Variants in MRPS21 observed in about 807,000 individuals in gnomAD.
The protein encoded by MRPS21 is small ribosomal subunit protein bS21m.
Under a neutral mutation model 9.9 loss-of-function variants are expected in MRPS21, and 8 were observed. That is an observed-to-expected ratio of 0.81 (90% CI 0.47 to 1.45). MRPS21 has a LOEUF of 1.45. Among genes scored for constraint, MRPS21 ranks in the 40% most tolerant of loss-of-function variants. The probability of loss-of-function intolerance (pLI) is 0.00; values close to 1 mark genes in which losing one functional copy is unlikely to be tolerated. For missense variants in MRPS21, 101 were observed against 118.9 expected (o/e 0.85, Z 0.70); for synonymous variants, 40 against 40.3 (o/e 0.99, Z 0.03).
Position 150,297,587 on chromosome 1 carries a change from C to T in MRPS21, c.83+3138C>T, listed in dbSNP as rs1199224125. On this transcript the variant is annotated intron_variant, in intron 2 of 2. Coordinates refer to ENST00000614145, the MANE Select transcript of MRPS21 (RefSeq NM_031901.6). ...TTGGGAGGCTGAGGCAGGAGAATCA[C>T]TTGAACCTGGGAAATAGAGGCTGCA... is the stretch of plus-strand genomic sequence containing the variant. 6.6e-5 allele frequency among the ~76,000 whole-genome samples: 10 copies of T among 151,860 alleles called. 1 individual carries two copies. In the East Asian group the frequency reaches 1.7e-3, roughly 26 times the overall value.
Position 150,294,422 on chromosome 1 carries a change from T to C in MRPS21, c.56T>C (p.Val19Ala), listed in dbSNP as rs1553856190. Residue 19 changes from valine to alanine, a missense_variant, in exon 2 of 3, where the codon GTG becomes GCG. Physicochemically the swap from Val to Ala is moderately conservative, Grantham distance 64. Coordinates refer to ENST00000614145, the MANE Select transcript of MRPS21 (RefSeq NM_031901.6). The stretch of plus-strand genomic sequence containing the variant: ...ACTGTGATGGTACAGGAAGGGAACG[T>C]GGAAAGCGCATACAGGACCCTAAAC... Reference protein sequence around the residue: ...ARTVMVQEGNVESAYRTLNRI... With the variant: ...ARTVMVQEGNAESAYRTLNRI... 6.2e-7 allele frequency: 1 copy of C among 1,613,644 alleles called. No homozygotes were observed. The highest frequency in any genetic ancestry group is 8.5e-7 in the Non-Finnish European group (1 of 1,179,736).
intron 1 of MRPS21, 161 bp from the exon 2 acceptor site, chr1:150,294,174 C>A (rs1474271039): frequency 1.8e-5 from 10 of 549,652 alleles, no homozygotes; most frequent in Non-Finnish European, 3.4e-5. Flanking sequence ...GAATAAGAGA[C>A]AACGATTCAC....
chr1:150,306,657 G>T (rs781944762), intron 2 of MRPS21, among the ~76,000 whole-genome samples: 3 of 152,018 alleles, frequency 2.0e-5, no homozygotes, highest in Admixed American at 6.6e-5. Context: ...CACCATGCCC[G>T]GCTAATTTTG....
Position 150,308,808 on chromosome 1 carries a change from C to T in MRPS21, c.*580C>T, listed in dbSNP as rs1654450989. 1 of 154,212 alleles carries T rather than the reference C, an allele frequency of 6.5e-6. No homozygotes were observed. The highest frequency in any genetic ancestry group is 1.5e-5 in the Non-Finnish European group (1 of 68,222). The allele number at this position is 154,212 out of a possible 1,614,324, so 9.6% of individuals were successfully genotyped here. A position where few individuals can be genotyped will look rare whatever the true frequency, so the allele number is the denominator to read the frequency against. ...CCAAGATCATGCCACTGCACTCCAA[C>T]CTGGGCGACAGAGTGAGACTCCATC... On this transcript the variant is annotated 3_prime_UTR_variant, in exon 3 of 3. Transcript: ENST00000614145.
At position 150,297,239 on chromosome 1, in the gene MRPS21, C is replaced by T. The variant is rs587639939; in HGVS notation, c.83+2790C>T. ...CCGGGAGGAGGAGGTTGCAGTGAGC[C>T]GAGAGCGTGCCACTACACTCCAGCC... On this transcript the variant is annotated intron_variant, in intron 2 of 2. Transcript: ENST00000614145. 4.0e-5 allele frequency among the ~76,000 whole-genome samples: 6 copies of T among 150,386 alleles called. No homozygotes were observed. The South Asian group carries it at 1.3e-3, about 32-fold the overall frequency.
chr1:150,304,611 T>C, intron 2 of MRPS21: 1 of 179,280 alleles, frequency 5.6e-6, no homozygotes, highest in South Asian at 8.7e-5. Context: ...AAAAATTAGC[T>C]GGGCGTGGTG....
intron 2 of MRPS21, among the ~76,000 whole-genome samples, chr1:150,297,522 T>C (rs1553856796): frequency 6.6e-6 from 1 of 151,886 alleles, no homozygotes; most frequent in Admixed American, 6.6e-5. Flanking sequence ...AAATACAAAA[T>C]TAGCCATATG....
rs113218645 is a variant in MRPS21 at position 150,307,489 on chromosome 1, A to T, written c.84-559A>T. Among the ~76,000 whole-genome samples the T allele has an allele frequency of 9.0e-3, 1,353 of 150,072 alleles. 18 individuals carry two copies. Among genetic ancestry groups the T allele is most frequent in the Middle Eastern group, 0.014 (4 of 284 alleles). On this transcript the variant is annotated intron_variant, in intron 2 of 2. Coordinates refer to ENST00000614145, the MANE Select transcript of MRPS21 (RefSeq NM_031901.6). ...CCTCCCACCTCAGCCTCCTGAGTAG[A>T]GGGGACTACAGGCATGTACCACCAT... is the stretch of plus-strand genomic sequence containing the variant.
intron 2 of MRPS21, among the ~76,000 whole-genome samples, chr1:150,295,534 G>C (rs587640878): frequency 1.4e-4 from 21 of 152,306 alleles, no homozygotes; most frequent in African/African-American, 5.1e-4. Flanking sequence ...GAAGTTGCTA[G>C]GAAGCGGGAA....
chr1:150,295,444 C>T (rs1246844403), intron 2 of MRPS21, among the ~76,000 whole-genome samples: 1 of 152,090 alleles, frequency 6.6e-6, no homozygotes, highest in Non-Finnish European at 1.5e-5. Flanking sequence ...CCATGTTGCC[C>T]AAGCGTAATG....
chr1:150,294,517 C>T, intron 2 of MRPS21, 68 bp downstream of exon 2: 1 of 1,331,280 alleles, frequency 7.5e-7, no homozygotes. Flanking sequence ...CTCTCCCTTC[C>T]CCTTTCGTTG....
chr1:150,297,364 T>C (rs1653952559), intron 2 of MRPS21, among the ~76,000 whole-genome samples: 1 of 149,920 alleles, frequency 6.7e-6, no homozygotes, highest in South Asian at 2.1e-4. Flanking sequence ...ATGGTTTCTA[T>C]GTCTTTTAAA....
At chr1:150,298,344 C>T (rs1379319782) in intron 2 of MRPS21, among the ~76,000 whole-genome samples, 2 of 152,096 alleles carry the variant, frequency 1.3e-5, no homozygotes, top group Non-Finnish European at 2.9e-5. Flanking sequence ...CTCTTTTTTT[C>T]TGACTTCTCC....
At chr1:150,294,996 A>T (rs1318812396) in intron 2 of MRPS21, among the ~76,000 whole-genome samples, 4 of 136,592 alleles carry the variant, frequency 2.9e-5, no homozygotes, top group Non-Finnish European at 6.3e-5. Flanking sequence ...TTTAATTTTA[A>T]TTTTTTTTTT....
At chr1:150,302,015 C>A (rs1476925294) in intron 2 of MRPS21, among the ~76,000 whole-genome samples, 1 of 152,206 alleles carries the variant, frequency 6.6e-6, no homozygotes. Context: ...CTGACTGATG[C>A]ACTTTTCTGT....
chr1:150,297,543 C>T (rs1432828911), intron 2 of MRPS21, among the ~76,000 whole-genome samples: 2 of 151,900 alleles, frequency 1.3e-5, no homozygotes, highest in Non-Finnish European at 1.5e-5. Context: ...TGGTGGCAGG[C>T]GCCTGTAATC....
chr1:150,294,414 A>G lies in MRPS21; in HGVS notation c.48A>G (p.Glu16=). 6.2e-7 allele frequency: 1 copy of G among 1,613,832 alleles called. No homozygotes were observed. ...TCGCCAGGACTGTGATGGTACAGGAAGGGAACGTGGAAAGCGCATACAGGA... is the reference window on the plus strand; with the variant it reads ...TCGCCAGGACTGTGATGGTACAGGAGGGGAACGTGGAAAGCGCATACAGGA... ...KFIARTVMVQ[E]GNVESAYRTL... is the part of the protein sequence containing the mutation. Residue 16 remains glutamate (E), a synonymous_variant, in exon 2 of 3, where the codon GAA becomes GAG. Transcript: ENST00000614145.
chr1:150,294,286 G>A (rs1203278893), intron 1 of MRPS21, 49 bp from the exon 2 acceptor site: 2 of 1,296,332 alleles, frequency 1.5e-6, no homozygotes, highest in African/African-American at 1.5e-5. Context: ...TTTGTATTAT[G>A]TTGCGTTTCT....
At chr1:150,297,014 G>T (rs1776275) in intron 2 of MRPS21, among the ~76,000 whole-genome samples, 63,074 of 152,036 alleles carry the variant, frequency 0.41, 13,566 homozygotes, top group East Asian at 0.7. Context: ...GCTGTCAGCC[G>T]GGCGCGGTGG....
Sources: allele counts gnomAD v4.1 joint callset (sites outside exome capture counted in the v4.1 genomes callset), GRCh38; gene constraint gnomAD v4.1.1; transcripts MANE v1.5; gene names NCBI Gene and HGNC (gene_info 2026-07-23, HGNC 2026-07-21).